The following MBOAT1 variants were observed in gnomAD, a reference collection of about 807,000 sequenced individuals.
MBOAT1 encodes the protein membrane-bound glycerophospholipid O-acyltransferase 1.
A neutral mutation model predicts 64.4 loss-of-function variants in MBOAT1; 67 were observed. The ratio of observed to expected loss-of-function variants is 1.04; its 90% CI spans 0.85 to 1.27. The LOEUF is 1.27. Ranked by LOEUF, MBOAT1 falls within the 50% of genes most tolerant of loss-of-function variation. The pLI is 0.00. For missense variants in MBOAT1, 563 were observed against 604.6 expected (o/e 0.93, Z 0.72); for synonymous variants, 229 against 218.9 (o/e 1.05, Z -0.41).
chr6:20,102,517 GGC>G, intron 12 of MBOAT1, 105 bp from the exon 13 acceptor site: 6 of 880,206 alleles, frequency 6.8e-6, no homozygotes, highest in Admixed American at 5.2e-5. Context: ...CACCGCTTTT[GGC>G]AGTAGGAGGC....
intron 5 of MBOAT1, 36 bp downstream of exon 5, chr6:20,131,108 C>T (rs777841461): frequency 6.3e-7 from 1 of 1,580,014 alleles, no homozygotes; most frequent in Non-Finnish European, 8.7e-7. Flanking sequence ...ATGTCAGGCT[C>T]ACTCTGAGAA....
intron 4 of MBOAT1, among the ~76,000 whole-genome samples, chr6:20,139,358 T>C (rs897974896): frequency 1.3e-5 from 2 of 151,752 alleles, no homozygotes; most frequent in African/African-American, 4.8e-5. Flanking sequence ...CATCTCCAAG[T>C]CTCCCAAAGT....
At chr6:20,149,857 G>A (rs1444194662) in intron 3 of MBOAT1, among the ~76,000 whole-genome samples, 1 of 152,216 alleles carries the variant, frequency 6.6e-6, no homozygotes, top group Non-Finnish European at 1.5e-5. Flanking sequence ...TTAATCAAAT[G>A]GCTTTCTGAA....
rs60045654 is a variant in MBOAT1 at position 20,149,100 on chromosome 6, CAA to C, written c.323+2083_323+2084del. ...TGGGCAACAGAGTGAGACTCTGTCT[CAA>C]AAAAAAAAAAAAAAAAACCAAACAA... On this transcript the variant is annotated intron_variant, in intron 3 of 12. Coordinates refer to ENST00000324607, the MANE Select transcript of MBOAT1 (RefSeq NM_001080480.3). Among the ~76,000 whole-genome samples the C allele has an allele frequency of 7.1e-3, 652 of 91,766 alleles. 8 individuals carry two copies. The highest frequency in any genetic ancestry group is 0.019 in the African/African-American group (588 of 31,240). 60.2% of individuals were successfully genotyped at this position (91,766 alleles called of 152,430 possible). A position where few individuals can be genotyped will look rare whatever the true frequency, so the allele number is the denominator to read the frequency against.
chr6:20,118,561 C>T, intron 8 of MBOAT1, 21 bp from the exon 9 acceptor site: 1 of 1,588,462 alleles, frequency 6.3e-7, no homozygotes, highest in Non-Finnish European at 8.6e-7. Flanking sequence ...TAAAGTAACA[C>T]ATTAGGATAT....
chr6:20,203,622 T>C (rs1763181557), intron 1 of MBOAT1, among the ~76,000 whole-genome samples: 1 of 152,134 alleles, frequency 6.6e-6, no homozygotes, highest in South Asian at 2.1e-4. Context: ...AGTTCCTACT[T>C]TGTGCTAACC....
chr6:20,121,790 T>C (rs1268453390), intron 8 of MBOAT1, among the ~76,000 whole-genome samples: 1 of 150,002 alleles, frequency 6.7e-6, no homozygotes, highest in East Asian at 1.9e-4. Flanking sequence ...AGGAGGGAAT[T>C]AGATATATTC....
chr6:20,210,408 C>T (rs1484216368), intron 1 of MBOAT1, among the ~76,000 whole-genome samples: 1 of 152,266 alleles, frequency 6.6e-6, no homozygotes, highest in African/African-American at 2.4e-5. Context: ...TGGGGATTTT[C>T]CTTGGGCCTA....
chr6:20,145,640 C>T (rs915475906), intron 3 of MBOAT1, among the ~76,000 whole-genome samples: 1 of 152,228 alleles, frequency 6.6e-6, no homozygotes, highest in Admixed American at 6.5e-5. Context: ...TAAGCTCTAC[C>T]TCGCCTTCCT....
Position 20,210,146 on chromosome 6 carries a change from A to G in MBOAT1, c.99+1990T>C, listed in dbSNP as rs189420194. Among the ~76,000 whole-genome samples, 151 of 152,274 alleles carry G rather than the reference A, an allele frequency of 9.9e-4. 2 individuals are homozygous for G. The highest frequency in any genetic ancestry group is 3.4e-3 in the African/African-American group (143 of 41,546). On this transcript the variant is annotated intron_variant, in intron 1 of 12. Coordinates refer to ENST00000324607, the MANE Select transcript of MBOAT1 (RefSeq NM_001080480.3). ...CCTAATGTCGGGCATTTCACATCAT[A>G]TAAAATTTCTCAACCTCAAAAGGTA...
intron 9 of MBOAT1, among the ~76,000 whole-genome samples, chr6:20,117,639 G>A (rs1760367100): frequency 6.6e-6 from 1 of 152,130 alleles, no homozygotes; most frequent in Non-Finnish European, 1.5e-5. Flanking sequence ...CTGGCTTCTT[G>A]CTCTACACAT....
intron 1 of MBOAT1, among the ~76,000 whole-genome samples, chr6:20,187,293 C>T (rs934474364): frequency 5.3e-5 from 8 of 152,284 alleles, no homozygotes; most frequent in Admixed American, 3.3e-4. Flanking sequence ...AATCTAATCT[C>T]GAGTCTAGGT....
At chr6:20,181,600 C>T (rs1762511278) in intron 1 of MBOAT1, among the ~76,000 whole-genome samples, 1 of 152,226 alleles carries the variant, frequency 6.6e-6, no homozygotes. Flanking sequence ...ACAAAAATGG[C>T]AGAAGCTTTG....
intron 12 of MBOAT1, among the ~76,000 whole-genome samples, chr6:20,105,775 C>T (rs1759939311): frequency 6.6e-6 from 1 of 152,074 alleles, no homozygotes; most frequent in Non-Finnish European, 1.5e-5. Context: ...GAGGAGACCC[C>T]AACTCAAAAA....
chr6:20,156,557 A>C (rs189675508), intron 1 of MBOAT1, among the ~76,000 whole-genome samples: 17 of 152,332 alleles, frequency 1.1e-4, no homozygotes, highest in Admixed American at 3.9e-4. Context: ...CTTTTCAGTG[A>C]CCACACGTGT....
chr6:20,153,798 GAA>G (rs1761597835), intron 1 of MBOAT1, among the ~76,000 whole-genome samples: 1 of 152,072 alleles, frequency 6.6e-6, no homozygotes, highest in South Asian at 2.1e-4. Context: ...GGGCCTAAAA[GAA>G]AACATTTAAA....
chr6:20,168,620 AGAGAAGAGAAGAGAAGAGAAGAGAG>A (rs1762093152), intron 1 of MBOAT1, among the ~76,000 whole-genome samples: 1 of 108,770 alleles, frequency 9.2e-6, no homozygotes, highest in South Asian at 3.2e-4. Context: ...AGAGAAGAGA[AGAGAAGAGAAGAGAAGAGAAGAGAG>A]GAGAGGAGAG....
chr6:20,127,410 C>T (rs1420612038), intron 6 of MBOAT1, among the ~76,000 whole-genome samples: 1 of 152,212 alleles, frequency 6.6e-6, no homozygotes, highest in African/African-American at 2.4e-5. Context: ...GGGGCTCAGA[C>T]TGGTATTGGT....
intron 1 of MBOAT1, among the ~76,000 whole-genome samples, chr6:20,199,805 T>C (rs942156539): frequency 6.6e-6 from 1 of 152,034 alleles, no homozygotes; most frequent in African/African-American, 2.4e-5. Flanking sequence ...CTGTCTCTAC[T>C]AAAAATACAA....
Sources: gnomAD v4.1 joint callset for allele counts (sites outside exome capture counted in the v4.1 genomes callset) on GRCh38, gnomAD v4.1.1 for gene constraint, MANE v1.5 for transcripts, NCBI Gene and HGNC (gene_info 2026-07-23, HGNC 2026-07-21) for gene names.